Variants in MOCOS observed in about 807,000 individuals in gnomAD.
The protein encoded by MOCOS is human molybdenum cofactor sulfurase.
MOCOS carries 86 observed loss-of-function variants against 83.6 expected under a neutral mutation model. That is an observed-to-expected ratio of 1.03 (90% CI 0.86 to 1.23). MOCOS has a LOEUF of 1.23. Among genes scored for constraint, MOCOS ranks in the 50% most tolerant of loss-of-function variants. The pLI, the probability that MOCOS is intolerant of heterozygous loss-of-function variation, is 0.00. For synonymous variants in MOCOS, 445 were observed against 434.7 expected (o/e 1.02, Z -0.29); for missense variants, 1,120 against 1,126.9 (o/e 0.99, Z 0.09).
At chr18:36,251,339 A>G in intron 11 of MOCOS, 56 bp downstream of exon 11, 1 of 1,597,854 alleles carries the variant, frequency 6.3e-7, no homozygotes, top group South Asian at 1.1e-5. Context: ...ACCCTTGCAC[A>G]CATCAAAACA....
chr18:36,195,106 G>A, intron 1 of MOCOS, 151 bp from the exon 2 acceptor site: 1 of 717,098 alleles, frequency 1.4e-6, no homozygotes. Flanking sequence ...TCCTTCCACT[G>A]CTCATGCCTA....
intron 7 of MOCOS, 58 bp downstream of exon 7, chr18:36,213,540 G>T: frequency 1.4e-6 from 2 of 1,426,548 alleles, no homozygotes; most frequent in Non-Finnish European, 2.0e-6. Flanking sequence ...AACACCTGTT[G>T]CTGCCTGTGT....
intron 9 of MOCOS, among the ~76,000 whole-genome samples, chr18:36,221,906 G>A (rs1273947742): frequency 1.3e-5 from 2 of 151,968 alleles, no homozygotes; most frequent in East Asian, 1.9e-4. Flanking sequence ...TGTATTTTTA[G>A]TAGAGACAGG....
Position 36,248,919 on chromosome 18 carries a change from T to G in MOCOS, c.1961-3T>G. 6.2e-7 allele frequency: 1 copy of G among 1,613,452 alleles called. No homozygotes were observed. The highest frequency in any genetic ancestry group is 8.5e-7 in the Non-Finnish European group (1 of 1,179,378). On this transcript the variant is annotated splice_region_variant and splice_polypyrimidine_tract_variant and intron_variant, in intron 9 of 14. Coordinates refer to ENST00000261326, the MANE Select transcript of MOCOS (RefSeq NM_017947.4). Reference sequence around the variant, plus strand: ...AAATTTGTTTTTAACCTTTGTTCATTAGGGATGGAGCCTATAGAGGTGCCT... The same window carrying G: ...AAATTTGTTTTTAACCTTTGTTCATGAGGGATGGAGCCTATAGAGGTGCCT...
At chr18:36,239,760 T>C (rs1047274775) in intron 9 of MOCOS, among the ~76,000 whole-genome samples, 2 of 149,526 alleles carry the variant, frequency 1.3e-5, no homozygotes, top group African/African-American at 4.9e-5. Context: ...TCCCCATCAC[T>C]TTCAGGTACA....
rs1406089182 is a variant in MOCOS at position 36,187,674 on chromosome 18, C to T, written c.135C>T (p.Arg45=). Residue 45 remains arginine (R), a synonymous_variant, in exon 1 of 15, where the codon CGC becomes CGT. Transcript: ENST00000261326. ...LRELRAREFS[R]LAGTVYLDHA... ...AGCTGCGGGCGCGCGAGTTCAGCCG[C>T]CTGGCAGGTGAGGCGGGCGGGCAGG... is the stretch of plus-strand genomic sequence containing the variant. 7 of 1,263,930 alleles carry T rather than the reference C, an allele frequency of 5.5e-6. No individual in the cohort carries two copies. In the African/African-American group the frequency reaches 6.1e-5, roughly 11 times the overall value. 78.3% of individuals were successfully genotyped at this position (1,263,930 alleles called of 1,614,324 possible). A position where few individuals can be genotyped will look rare whatever the true frequency, so the allele number is the denominator to read the frequency against.
At chr18:36,223,327 C>T (rs1241181518) in intron 9 of MOCOS, among the ~76,000 whole-genome samples, 2 of 152,206 alleles carry the variant, frequency 1.3e-5, no homozygotes, top group African/African-American at 4.8e-5. Context: ...GTTTTCCCAA[C>T]ACCATTTGTT....
At chr18:36,225,175 C>T (rs770066797) in intron 9 of MOCOS, among the ~76,000 whole-genome samples, 3 of 151,790 alleles carry the variant, frequency 2.0e-5, no homozygotes, top group Non-Finnish European at 2.9e-5. Flanking sequence ...GTTTTTGAGA[C>T]GGAGTCTCAT....
intron 11 of MOCOS, among the ~76,000 whole-genome samples, chr18:36,255,164 C>T (rs1468489808): frequency 6.6e-6 from 1 of 152,202 alleles, no homozygotes; most frequent in African/African-American, 2.4e-5. Context: ...CCATTTGTTC[C>T]TATTCCCATG....
intron 6 of MOCOS, among the ~76,000 whole-genome samples, chr18:36,208,354 T>C (rs1407330026): frequency 1.3e-5 from 2 of 152,186 alleles, no homozygotes; most frequent in Non-Finnish European, 2.9e-5. Context: ...GGTAGTTTGA[T>C]AGGAATAACA....
chr18:36,240,669 C>T (rs181536325), intron 9 of MOCOS, among the ~76,000 whole-genome samples: 18 of 151,926 alleles, frequency 1.2e-4, no homozygotes, highest in African/African-American at 3.1e-4. Flanking sequence ...CCACCCAGTT[C>T]GAGCTTCCCA....
intron 10 of MOCOS, 120 bp from the exon 11 acceptor site, chr18:36,251,039 C>T (rs1407362551): frequency 2.3e-6 from 3 of 1,277,182 alleles, no homozygotes; most frequent in Non-Finnish European, 3.3e-6. Context: ...TTCAGGCTGC[C>T]TTCAGGGCTC....
chr18:36,234,570 T>C (rs2091550448), intron 9 of MOCOS, among the ~76,000 whole-genome samples: 1 of 152,200 alleles, frequency 6.6e-6, no homozygotes, highest in Non-Finnish European at 1.5e-5. Flanking sequence ...CTGTGAATAA[T>C]GATGACGGCA....
At chr18:36,257,139 C>T (rs1479954006) in intron 12 of MOCOS, 66 bp downstream of exon 12, 2 of 1,359,256 alleles carry the variant, frequency 1.5e-6, no homozygotes, top group Non-Finnish European at 2.1e-6. Context: ...CAGGGCCTGG[C>T]ACCTGCCTGG....
intron 9 of MOCOS, among the ~76,000 whole-genome samples, chr18:36,225,220 C>T (rs577624584): frequency 3.3e-5 from 5 of 152,040 alleles, no homozygotes; most frequent in Admixed American, 1.3e-4. Flanking sequence ...GGCACGATCT[C>T]GGCTCACTGC....
chr18:36,238,003 G>A (rs1320060572), intron 9 of MOCOS, among the ~76,000 whole-genome samples: 33 of 151,880 alleles, frequency 2.2e-4, no homozygotes, highest in Admixed American at 2.0e-4. Context: ...TTTTTATTGC[G>A]TCTATTTGAT....
Position 36,221,781 on chromosome 18 carries a change from C to T in MOCOS, c.1960+1564C>T, listed in dbSNP as rs544248082. Among the ~76,000 whole-genome samples the T allele has an allele frequency of 1.7e-3, 250 of 148,570 alleles. 2 individuals are homozygous for T. The highest frequency in any genetic ancestry group is 2.0e-3 in the Non-Finnish European group (135 of 67,572). On this transcript the variant is annotated intron_variant, in intron 9 of 14. Coordinates refer to ENST00000261326, the MANE Select transcript of MOCOS (RefSeq NM_017947.4). Reference sequence around the variant, plus strand: ...CACTCTTGTTGTCCAGGCTGGAGTGCAATGGCGTGATCTCGGCTCACTGCA... The same window carrying T: ...CACTCTTGTTGTCCAGGCTGGAGTGTAATGGCGTGATCTCGGCTCACTGCA...
chr18:36,229,281 T>C (rs1291875919), intron 9 of MOCOS, among the ~76,000 whole-genome samples: 1 of 152,188 alleles, frequency 6.6e-6, no homozygotes, highest in Non-Finnish European at 1.5e-5. Context: ...TTTCTTGGTA[T>C]GGTATTCTTG....
chr18:36,220,738 T>G (rs759685012), intron 9 of MOCOS, among the ~76,000 whole-genome samples: 2 of 151,904 alleles, frequency 1.3e-5, no homozygotes, highest in African/African-American at 4.8e-5. Flanking sequence ...CTGGCCAACA[T>G]GACGAAACCC....
Sources: gnomAD v4.1 joint callset for allele counts (sites outside exome capture counted in the v4.1 genomes callset) on GRCh38, gnomAD v4.1.1 for gene constraint, MANE v1.5 for transcripts, NCBI Gene and HGNC (gene_info 2026-07-23, HGNC 2026-07-21) for gene names.